Variants in GMDS observed in about 807,000 individuals in gnomAD.
The protein encoded by GMDS is GDP-mannose 4,6 dehydratase.
In GMDS, 20 loss-of-function variants were observed where a neutral mutation model predicts 49.9. That is an observed-to-expected ratio of 0.40 (90% CI 0.28 to 0.58). The LOEUF (loss-of-function observed/expected upper bound fraction) is 0.58, where lower values mean the gene tolerates loss of function less well. GMDS is among the 20% of genes least tolerant of loss of function. GMDS has a pLI of 0.42. For synonymous variants in GMDS, 177 were observed against 178.6 expected (o/e 0.99, Z 0.07); for missense variants, 362 against 481.4 (o/e 0.75, Z 2.32).
At chr6:2,073,882 T>C (rs1417349442) in intron 4 of GMDS, among the ~76,000 whole-genome samples, 13 of 152,244 alleles carry the variant, frequency 8.5e-5, no homozygotes, top group Non-Finnish European at 1.5e-4. Context: ...ATCATGTATA[T>C]ATACCACATT....
intron 4 of GMDS, among the ~76,000 whole-genome samples, chr6:2,000,212 T>G (rs1766710131): frequency 1.4e-5 from 2 of 147,572 alleles, no homozygotes; most frequent in Non-Finnish European, 3.0e-5. Flanking sequence ...ATTTTTTGTA[T>G]TTTTGGTAGA....
In GMDS at chr6:2,149,345, C is replaced by T. The variant is rs1187177127; in HGVS notation, c.103-24614G>A. Among the ~76,000 whole-genome samples the T allele has an allele frequency of 2.6e-5, 4 of 152,126 alleles. No homozygotes were observed. In the South Asian group the frequency reaches 6.2e-4, roughly 24 times the overall value. ...TTGACTTTTTATTTTTTTAGCCACA[C>T]CACCAGCAAATACTGCATCACTTAC... On this transcript the variant is annotated intron_variant, in intron 1 of 10. Coordinates refer to ENST00000380815, the MANE Select transcript of GMDS (RefSeq NM_001500.4).
chr6:2,082,100 G>A (rs1393501041), intron 4 of GMDS, among the ~76,000 whole-genome samples: 1 of 152,104 alleles, frequency 6.6e-6, no homozygotes, highest in Non-Finnish European at 1.5e-5. Flanking sequence ...TATATGCATA[G>A]TAATAACATT....
chr6:1,643,868 CT>C (rs1343301602), intron 9 of GMDS, among the ~76,000 whole-genome samples: 1 of 151,924 alleles, frequency 6.6e-6, no homozygotes, highest in Non-Finnish European at 1.5e-5. Context: ...CTCCCCTCCC[CT>C]CTAAAAAAAA....
chr6:1,837,731 C>A (rs1756989329), intron 7 of GMDS, among the ~76,000 whole-genome samples: 3 of 152,288 alleles, frequency 2.0e-5, no homozygotes, highest in South Asian at 2.1e-4. Flanking sequence ...TTCTTTCAGG[C>A]TAATGAAGCC....
intron 7 of GMDS, among the ~76,000 whole-genome samples, chr6:1,923,713 A>G (rs1483209860): frequency 2.0e-5 from 3 of 152,230 alleles, no homozygotes; most frequent in African/African-American, 7.2e-5. Context: ...AGTCCAGTGA[A>G]AGGGTCGTGA....
intron 4 of GMDS, among the ~76,000 whole-genome samples, chr6:2,007,880 T>C (rs991584909): frequency 1.2e-4 from 18 of 152,176 alleles, no homozygotes; most frequent in African/African-American, 3.4e-4. Context: ...AGCACAGCAG[T>C]TGAGTCAGCA....
rs1201797884 is a variant in GMDS, at chr6:1,640,177, C to T, written c.988-15637G>A. Among the ~76,000 whole-genome samples the T allele has an allele frequency of 6.6e-6, 1 of 152,170 alleles. No homozygotes were observed. The highest frequency in any genetic ancestry group is 1.5e-5 in the Non-Finnish European group (1 of 68,030). On this transcript the variant is annotated intron_variant, in intron 9 of 10. Coordinates refer to ENST00000380815, the MANE Select transcript of GMDS (RefSeq NM_001500.4). This position sits in a 1 kb window ranked among gnomAD's most constrained non-coding sequence, Gnocchi z 4.0. The stretch of plus-strand genomic sequence containing the variant: ...GCACCAGCTCGGCAGCACTGTTGCC[C>T]AAGGCTCCCCCACATCACTCTTCAG...
intron 7 of GMDS, among the ~76,000 whole-genome samples, chr6:1,908,304 C>T (rs1395846479): frequency 2.0e-5 from 3 of 152,176 alleles, no homozygotes; most frequent in South Asian, 2.1e-4. Context: ...TTTCAGATCA[C>T]GGTTGACTGC....
At chr6:1,879,184 A>G (rs1759244176) in intron 7 of GMDS, among the ~76,000 whole-genome samples, 1 of 152,244 alleles carries the variant, frequency 6.6e-6, no homozygotes, top group African/African-American at 2.4e-5. Context: ...TTATCTGGTT[A>G]TTTTCTATTT....
At chr6:2,039,150 G>A (rs184569508) in intron 4 of GMDS, among the ~76,000 whole-genome samples, 1 of 152,162 alleles carries the variant, frequency 6.6e-6, no homozygotes, top group Non-Finnish European at 1.5e-5. Flanking sequence ...TGACACAATG[G>A]TAAGTATGTG....
At position 2,141,820 on chromosome 6, in the gene GMDS, C is replaced by A. The variant is rs887949736; in HGVS notation, c.103-17089G>T. Among the ~76,000 whole-genome samples the A allele has an allele frequency of 2.6e-5, 4 of 151,864 alleles. No homozygotes were observed. The East Asian group carries it at 7.8e-4, about 29-fold the overall frequency. Reference sequence around the variant, plus strand: ...GGCCACTGACTCAGCACGGCTGCGACCTAACGACACACTGGGAAGTCTGGG... The same window carrying A: ...GGCCACTGACTCAGCACGGCTGCGAACTAACGACACACTGGGAAGTCTGGG... On this transcript the variant is annotated intron_variant, in intron 1 of 10. Transcript: ENST00000380815.
chr6:2,241,881 A>C (rs1781630775), intron 1 of GMDS, among the ~76,000 whole-genome samples: 1 of 152,232 alleles, frequency 6.6e-6, no homozygotes, highest in Non-Finnish European at 1.5e-5. Flanking sequence ...ATATCTTTAT[A>C]TCTGCAGCAG....
At chr6:1,665,452 C>T (rs528921351) in intron 9 of GMDS, among the ~76,000 whole-genome samples, 3 of 152,234 alleles carry the variant, frequency 2.0e-5, no homozygotes, top group African/African-American at 4.8e-5. Flanking sequence ...GCCTAAGAAT[C>T]GAAAGTGACA....
At chr6:2,063,972 T>C (rs1399043710) in intron 4 of GMDS, among the ~76,000 whole-genome samples, 7 of 152,244 alleles carry the variant, frequency 4.6e-5, no homozygotes, top group Non-Finnish European at 1.0e-4. Flanking sequence ...CAGATGTTAC[T>C]AGTATAACTA....
intron 1 of GMDS, among the ~76,000 whole-genome samples, chr6:2,145,624 C>T (rs1017026790): frequency 6.6e-6 from 1 of 151,994 alleles, no homozygotes; most frequent in African/African-American, 2.4e-5. Flanking sequence ...ACGGATTAAA[C>T]CAACGTCAGA....
chr6:2,158,324 T>G (rs964169711), intron 1 of GMDS, among the ~76,000 whole-genome samples: 2 of 152,232 alleles, frequency 1.3e-5, no homozygotes, highest in African/African-American at 4.8e-5. Flanking sequence ...TTGACATTCA[T>G]GTAACTGCTC....
At chr6:1,968,516 C>T (rs1764390764) in intron 4 of GMDS, among the ~76,000 whole-genome samples, 1 of 152,148 alleles carries the variant, frequency 6.6e-6, no homozygotes, top group Non-Finnish European at 1.5e-5. Context: ...AGGCCCACTC[C>T]CCTCTTGCGG....
chr6:2,224,390 G>A (rs1331568782), intron 1 of GMDS, among the ~76,000 whole-genome samples: 1 of 152,200 alleles, frequency 6.6e-6, no homozygotes, highest in African/African-American at 2.4e-5. Flanking sequence ...GGGCCACAAT[G>A]ACTTCTGGAC....
Sources: gnomAD v4.1 joint callset for allele counts (sites outside exome capture counted in the v4.1 genomes callset) on GRCh38, gnomAD v4.1.1 for gene constraint, Gnocchi (gnomAD v3.1) non-coding constraint, MANE v1.5 for transcripts, NCBI Gene and HGNC (gene_info 2026-07-23, HGNC 2026-07-21) for gene names.